Variants in ZNF98 observed in about 807,000 individuals in gnomAD.
ZNF98 encodes the protein zinc finger protein 739.
In ZNF98, 8 loss-of-function variants were observed where a neutral mutation model predicts 12.8. The observed-to-expected ratio is 0.63, with a 90% CI of 0.37 to 1.13. The LOEUF is 1.13. Among genes scored for constraint, ZNF98 ranks in the 50% most tolerant of loss-of-function variants. ZNF98 has a pLI of 0.01. For missense variants in ZNF98, 379 were observed against 666.1 expected, an observed-to-expected ratio of 0.57 and a Z score of 4.74; for synonymous variants, 112 against 223.5, an observed-to-expected ratio of 0.50 and a Z score of 4.45.
At chr19:22,395,639 A>G (rs545496376) in intron 3 of ZNF98, among the ~76,000 whole-genome samples, 1 of 152,332 alleles carries the variant, frequency 6.6e-6, no homozygotes, top group East Asian at 1.9e-4. Context: ...AAATCCTAAA[A>G]GAAAAATGAT....
intron 1 of ZNF98, among the ~76,000 whole-genome samples, chr19:22,420,175 A>G (rs887524989): frequency 1.3e-5 from 2 of 152,134 alleles, no homozygotes; most frequent in African/African-American, 4.8e-5. Context: ...AAAGAAAAAA[A>G]GAAAGAAAAC....
intron 3 of ZNF98, among the ~76,000 whole-genome samples, chr19:22,401,420 AT>A (rs1969455667): frequency 6.6e-6 from 1 of 152,190 alleles, no homozygotes; most frequent in African/African-American, 2.4e-5. Flanking sequence ...CAAATAAAAG[AT>A]ACATCAATAA....
chr19:22,407,090 T>C (rs994982004), intron 1 of ZNF98, among the ~76,000 whole-genome samples: 1 of 151,246 alleles, frequency 6.6e-6, no homozygotes, highest in African/African-American at 2.4e-5. Flanking sequence ...AGAGTCTCAC[T>C]CTGTCGCCCA....
chr19:22,415,956 GACACAC>G lies in ZNF98; in HGVS notation c.30+6233_30+6238del, dbSNP rs71180550. Among the ~76,000 whole-genome samples, 262 of 111,316 alleles carry G rather than the reference GACACAC, an allele frequency of 2.4e-3. 1 individual carries two copies. The highest frequency in any genetic ancestry group is 5.7e-3 in the Middle Eastern group (1 of 174). The allele number at this position is 111,316 out of a possible 152,430, so 73.0% of individuals were successfully genotyped here. A position where few individuals can be genotyped will look rare whatever the true frequency, so the allele number is the denominator to read the frequency against. On this transcript the variant is annotated intron_variant, in intron 1 of 3. Transcript: ENST00000357774. ...TAAAAAAAAAAAAAAAAAAACTACA[GACACAC>G]ACACACACACACACACACACACACA...
intron 1 of ZNF98, among the ~76,000 whole-genome samples, chr19:22,409,913 CAAAA>C (rs71180546): frequency 2.5e-4 from 22 of 89,424 alleles, no homozygotes; most frequent in Non-Finnish European, 3.9e-4. Flanking sequence ...CTCTATCTCA[CAAAA>C]AAAAAAAAAA....
chr19:22,402,719 C>CTTT, intron 3 of ZNF98, 70 bp downstream of exon 3: 8 of 839,404 alleles, frequency 9.5e-6, no homozygotes, highest in South Asian at 4.5e-5. Flanking sequence ...TAAGGAATGG[C>CTTT]TTTTTTTTTT....
intron 1 of ZNF98, among the ~76,000 whole-genome samples, chr19:22,414,426 T>G (rs1169952312): frequency 2.6e-5 from 4 of 151,970 alleles, no homozygotes; most frequent in South Asian, 2.1e-4. Flanking sequence ...AGGGCCCAAA[T>G]AGCCAAGCCA....
In ZNF98 at chr19:22,417,229, CAAAAAAA is replaced by C. The variant is rs57152900; in HGVS notation, c.30+4959_30+4965del. Among the ~76,000 whole-genome samples, 9 of 45,452 alleles carry C rather than the reference CAAAAAAA, an allele frequency of 2.0e-4. No individual in the cohort carries two copies. The South Asian group carries it at 2.8e-3, about 14-fold the overall frequency. The allele number at this position is 45,452 out of a possible 152,430, so 29.8% of individuals were successfully genotyped here. A position where few individuals can be genotyped will look rare whatever the true frequency, so the allele number is the denominator to read the frequency against. Reference sequence around the variant, plus strand: ...GGGCAATAAGAGCAAAACTCCATCTCAAAAAAAAAAAAAAAAAAAAAAAAAAAATTAA... The same window carrying C: ...GGGCAATAAGAGCAAAACTCCATCTCAAAAAAAAAAAAAAAAAAAAATTAA... On this transcript the variant is annotated intron_variant, in intron 1 of 3. Coordinates refer to ENST00000357774, the MANE Select transcript of ZNF98 (RefSeq NM_001098626.2).
Position 22,391,735 on chromosome 19 carries a change from G to T in ZNF98, c.1500C>A (p.Asn500Lys), listed in dbSNP as rs757806250. ...YKCEECGKAFNQSSHLTTHKM... is the reference protein window; with the variant it reads ...YKCEECGKAFKQSSHLTTHKM... ...TATGTGTAGTAAGGTGTGAGGACTGGTTAAAAGCTTTGCCACATTCTTCAC... is the reference window on the plus strand; with the variant it reads ...TATGTGTAGTAAGGTGTGAGGACTGTTTAAAAGCTTTGCCACATTCTTCAC... Residue 500 changes from asparagine (N) to lysine (K), a missense_variant, in exon 4 of 4, where the codon AAC becomes AAA. Asn to Lys is a moderately conservative substitution (Grantham distance 94). Around this residue, in one of 8 missense-constraint regions of ZNF98, gnomAD observed 59 missense variants for 50.3 expected, o/e 1.17. Transcript: ENST00000357774. 6.2e-7 allele frequency: 1 copy of T among 1,613,166 alleles called. No homozygotes were observed. The highest frequency in any genetic ancestry group is 1.7e-5 in the Admixed American group (1 of 59,814).
rs371639044 is a variant in ZNF98 at position 22,392,745 on chromosome 19, G to T, written c.490C>A (p.His164Asn). The T allele has an allele frequency of 5.6e-6, 9 of 1,608,406 alleles. No homozygotes were observed. In the Middle Eastern group the frequency reaches 6.6e-4, roughly 118 times the overall value. ...FQYDKYVKVF[H>N]KFSNSNRHKI... is the part of the protein sequence containing the mutation. ...TGTCTGTTTGAATTTGAAAATTTAT[G>T]AAAGACTTTCACATATTTGTCATAT... Residue 164 changes from histidine (H) to asparagine (N), a missense_variant, in exon 4 of 4, where the codon CAT (histidine) becomes AAT (asparagine). His to Asn is a moderately conservative substitution (Grantham distance 68). This residue lies in a region of ZNF98 where 223 missense variants were observed against 261.6 expected (regional missense o/e 0.85). Transcript: ENST00000357774.
chr19:22,413,451 C>T (rs1397043765), intron 1 of ZNF98, among the ~76,000 whole-genome samples: 2 of 151,986 alleles, frequency 1.3e-5, no homozygotes, highest in African/African-American at 2.4e-5. Context: ...AACATGCACG[C>T]CAAAAGCCAA....
At chr19:22,414,214 A>AC (rs1474080981) in intron 1 of ZNF98, among the ~76,000 whole-genome samples, 1 of 146,402 alleles carries the variant, frequency 6.8e-6, no homozygotes. Context: ...AGCCTGGGTG[A>AC]AGAGCAAGAC....
intron 3 of ZNF98, among the ~76,000 whole-genome samples, chr19:22,401,211 C>T (rs1305957197): frequency 6.7e-6 from 1 of 149,700 alleles, no homozygotes; most frequent in Non-Finnish European, 1.5e-5. Context: ...ATAAACAGTA[C>T]ATTTAAAACC....
intron 2 of ZNF98, 108 bp downstream of exon 2, chr19:22,403,278 A>AC: frequency 7.4e-7 from 1 of 1,354,374 alleles, no homozygotes; most frequent in Non-Finnish European, 1.0e-6. Context: ...AAACAAAAAA[A>AC]AAAAACAGAG....
At chr19:22,409,069 A>G (rs1568294928) in intron 1 of ZNF98, among the ~76,000 whole-genome samples, 1 of 152,158 alleles carries the variant, frequency 6.6e-6, no homozygotes, top group East Asian at 1.9e-4. Flanking sequence ...CCAAAACAAC[A>G]TGGTACTGGT....
At chr19:22,410,126 A>G (rs772382167) in intron 1 of ZNF98, among the ~76,000 whole-genome samples, 9 of 152,202 alleles carry the variant, frequency 5.9e-5, no homozygotes. Flanking sequence ...GGCTGTGAAG[A>G]AACAGAAACA....
At chr19:22,421,144 T>C (rs1289027258) in intron 1 of ZNF98, among the ~76,000 whole-genome samples, 3 of 152,192 alleles carry the variant, frequency 2.0e-5, no homozygotes, top group Non-Finnish European at 4.4e-5. Context: ...TGCTACAAAT[T>C]TAGGTCCTTC....
chr19:22,403,910 T>C (rs1307692616), intron 1 of ZNF98, among the ~76,000 whole-genome samples: 8 of 152,228 alleles, frequency 5.3e-5, no homozygotes, highest in Admixed American at 3.9e-4. Flanking sequence ...GAGATCTTGT[T>C]AATGCAGATT....
At chr19:22,393,091 A>G in intron 3 of ZNF98, 110 bp from the exon 4 acceptor site, 2 of 1,094,828 alleles carry the variant, frequency 1.8e-6, no homozygotes, top group Non-Finnish European at 2.5e-6. Flanking sequence ...TGTTACAGCA[A>G]AATATTACAC....
Sources: allele counts gnomAD v4.1 joint callset (sites outside exome capture counted in the v4.1 genomes callset), GRCh38; gene constraint gnomAD v4.1.1; regional missense constraint gnomAD v4.1.1; transcripts MANE v1.5; gene names NCBI Gene and HGNC (gene_info 2026-07-23, HGNC 2026-07-21).